The following HDAC9 variants were observed in gnomAD, a reference collection of about 807,000 sequenced individuals.
The protein encoded by HDAC9 is MEF-2 interacting transcription repressor (MITR) protein.
A neutral mutation model predicts 139.4 loss-of-function variants in HDAC9; 41 were observed. That is an observed-to-expected ratio of 0.29 (90% CI 0.23 to 0.38). HDAC9 has a LOEUF of 0.38. Among genes scored for constraint, HDAC9 ranks in the 10% least tolerant of loss-of-function variants. The probability of loss-of-function intolerance (pLI) is 1.00; values close to 1 mark genes in which losing one functional copy is unlikely to be tolerated. For missense variants in HDAC9, 1,147 were observed against 1,297.0 expected, an observed-to-expected ratio of 0.88 and a Z score of 1.78; for synonymous variants, 517 against 476.2, an observed-to-expected ratio of 1.09 and a Z score of -1.12.
At chr7:18,988,859 T>C (rs1785610681) in intron 25 of HDAC9, among the ~76,000 whole-genome samples, 1 of 151,126 alleles carries the variant, frequency 6.6e-6, no homozygotes, top group Non-Finnish European at 1.5e-5. Context: ...GTTTAAAGTC[T>C]CTTTTATCAG....
intron 17 of HDAC9, among the ~76,000 whole-genome samples, chr7:18,825,885 A>G (rs1795393917): frequency 6.7e-6 from 1 of 148,186 alleles, no homozygotes. Context: ...TTATATTTAT[A>G]TAATATATAT....
intron 1 of HDAC9, among the ~76,000 whole-genome samples, chr7:18,460,129 C>A (rs1475456631): frequency 3.3e-5 from 5 of 152,074 alleles, no homozygotes; most frequent in Admixed American, 3.3e-4. Flanking sequence ...TTGTGTTGTC[C>A]AGGCTCGTCT....
intron 1 of HDAC9, among the ~76,000 whole-genome samples, chr7:18,380,069 A>G (rs1368570025): frequency 2.0e-5 from 3 of 152,210 alleles, no homozygotes; most frequent in Non-Finnish European, 4.4e-5. Context: ...TCTAAGTAAA[A>G]TGAGACATTT....
At chr7:18,733,333 GTGTA>G (rs948904159) in intron 13 of HDAC9, among the ~76,000 whole-genome samples, 2 of 149,996 alleles carry the variant, frequency 1.3e-5, no homozygotes, top group Non-Finnish European at 1.5e-5. Context: ...ATGTATATAT[GTGTA>G]TGTGTGTGTG....
intron 21 of HDAC9, among the ~76,000 whole-genome samples, chr7:18,839,922 G>A (rs1796481054): frequency 6.6e-6 from 1 of 152,016 alleles, no homozygotes; most frequent in African/African-American, 2.4e-5. Flanking sequence ...TTTGTTTATA[G>A]TGGGCAAGAG....
intron 14 of HDAC9, among the ~76,000 whole-genome samples, chr7:18,749,518 C>T (rs1479734282): frequency 1.3e-5 from 2 of 152,214 alleles, no homozygotes; most frequent in South Asian, 2.1e-4. Context: ...CCAATTTTGC[C>T]ACATGGAAAT....
At chr7:18,704,900 T>C (rs1234115280) in intron 12 of HDAC9, among the ~76,000 whole-genome samples, 1 of 152,230 alleles carries the variant, frequency 6.6e-6, no homozygotes, top group Non-Finnish European at 1.5e-5. Flanking sequence ...TTCAGCATTT[T>C]ATAAGAAATG....
intron 1 of HDAC9, among the ~76,000 whole-genome samples, chr7:18,148,758 C>T (rs925540657): frequency 9.9e-5 from 15 of 152,192 alleles, no homozygotes; most frequent in Admixed American, 1.3e-4. Flanking sequence ...CCACATCTGG[C>T]CTCTCCCTTC....
At chr7:18,847,110 T>C (rs758346197) in intron 21 of HDAC9, among the ~76,000 whole-genome samples, 2 of 152,118 alleles carry the variant, frequency 1.3e-5, no homozygotes, top group Non-Finnish European at 2.9e-5. Context: ...CTGACTTTAC[T>C]ACACAGGAAA....
chr7:18,591,117 T>A (rs962765076), intron 4 of HDAC9, among the ~76,000 whole-genome samples: 1 of 152,198 alleles, frequency 6.6e-6, no homozygotes, highest in African/African-American at 2.4e-5. Context: ...GAAAAGATTA[T>A]TTTAATGTGT....
chr7:18,680,201 C>T (rs887393690), intron 12 of HDAC9, among the ~76,000 whole-genome samples: 3 of 151,930 alleles, frequency 2.0e-5, no homozygotes, highest in African/African-American at 7.2e-5. Context: ...GAAAATTGTG[C>T]CATTGGCCTA....
intron 1 of HDAC9, among the ~76,000 whole-genome samples, chr7:18,482,008 T>A (rs111739507): frequency 6.6e-6 from 1 of 152,184 alleles, no homozygotes; most frequent in African/African-American, 2.4e-5. Flanking sequence ...ACCAGCATTT[T>A]CAAAGGGCTT....
intron 6 of HDAC9, among the ~76,000 whole-genome samples, chr7:18,597,236 CACA>C (rs1434176350): frequency 1.3e-5 from 2 of 152,138 alleles, no homozygotes; most frequent in African/African-American, 2.4e-5. Context: ...CTCCTCCTTT[CACA>C]ACAACATCAA....
intron 2 of HDAC9, among the ~76,000 whole-genome samples, chr7:18,541,141 GTTTTTTTT>G (rs10678670): frequency 7.6e-5 from 5 of 65,464 alleles, no homozygotes; most frequent in East Asian, 5.1e-4. Context: ...AAGGAACCGT[GTTTTTTTT>G]TTTTTTTTTT....
At chr7:18,417,977 TG>T (rs928987574) in intron 1 of HDAC9, among the ~76,000 whole-genome samples, 10 of 152,178 alleles carry the variant, frequency 6.6e-5, no homozygotes, top group African/African-American at 2.4e-4. Flanking sequence ...CAAGTCTGGA[TG>T]GATGTCCACC....
intron 2 of HDAC9, among the ~76,000 whole-genome samples, chr7:18,204,810 G>A (rs1257887777): frequency 6.6e-6 from 1 of 151,718 alleles, no homozygotes; most frequent in East Asian, 1.9e-4. Flanking sequence ...TCTTATGTTT[G>A]ATAAACATAT....
At chr7:18,655,747 C>T (rs1430834645) in intron 11 of HDAC9, among the ~76,000 whole-genome samples, 1 of 152,180 alleles carries the variant, frequency 6.6e-6, no homozygotes, top group African/African-American at 2.4e-5. Context: ...TTCCTTTTCA[C>T]TCTGCACTGT....
At chr7:18,218,768 C>T (rs1792487431) in intron 2 of HDAC9, among the ~76,000 whole-genome samples, 1 of 152,068 alleles carries the variant, frequency 6.6e-6, no homozygotes, top group African/African-American at 2.4e-5. Flanking sequence ...TGCTTAGTAT[C>T]CATTTTTAGG....
chr7:18,410,019 A>G (rs10261228), intron 1 of HDAC9, among the ~76,000 whole-genome samples: 7,037 of 151,216 alleles, frequency 0.047, 565 homozygotes, highest in African/African-American at 0.16. Flanking sequence ...TTCTTTACCC[A>G]TTTTTTTTTG....
Sources: allele counts gnomAD v4.1 joint callset (sites outside exome capture counted in the v4.1 genomes callset), GRCh38; gene constraint gnomAD v4.1.1; transcripts MANE v1.5; gene names NCBI Gene and HGNC (gene_info 2026-07-23, HGNC 2026-07-21).